The following SLCO3A1 variants were observed in gnomAD, a reference collection of about 807,000 sequenced individuals.
The protein encoded by SLCO3A1 is solute carrier organic anion transporter family member 3A1, also known as PGE1 transporter.
SLCO3A1 carries 27 observed loss-of-function variants against 63.1 expected under a neutral mutation model. The ratio of observed to expected loss-of-function variants is 0.43; its 90% CI spans 0.32 to 0.59. The LOEUF is 0.59. Ranked by LOEUF, SLCO3A1 falls within the 20% of genes least tolerant of loss-of-function variation. The pLI, the probability that SLCO3A1 is intolerant of heterozygous loss-of-function variation, is 0.09. For synonymous variants in SLCO3A1, 473 were observed against 409.9 expected, an observed-to-expected ratio of 1.15 and a Z score of -1.86; for missense variants, 773 against 945.8, an observed-to-expected ratio of 0.82 and a Z score of 2.40.
At chr15:91,990,880 A>G (rs2046117989) in intron 2 of SLCO3A1, among the ~76,000 whole-genome samples, 1 of 151,910 alleles carries the variant, frequency 6.6e-6, no homozygotes, top group South Asian at 2.1e-4. Flanking sequence ...TAGGGTGCAA[A>G]ATGGCAGCTG....
intron 7 of SLCO3A1, among the ~76,000 whole-genome samples, chr15:92,137,042 A>G (rs1329371013): frequency 6.8e-6 from 1 of 146,756 alleles, no homozygotes; most frequent in African/African-American, 2.6e-5. Flanking sequence ...TTACATATGT[A>G]TACATGTGCC....
At chr15:91,887,565 C>T (rs1031768516) in intron 1 of SLCO3A1, among the ~76,000 whole-genome samples, 2 of 152,204 alleles carry the variant, frequency 1.3e-5, no homozygotes, top group Admixed American at 6.5e-5. Context: ...CAGCTTTGGC[C>T]TTTTAGAACC....
At chr15:92,150,576 C>G (rs550980547) in intron 8 of SLCO3A1, among the ~76,000 whole-genome samples, 6 of 152,138 alleles carry the variant, frequency 3.9e-5, no homozygotes, top group African/African-American at 1.4e-4. Flanking sequence ...ATTATTTTCT[C>G]GGTTGATGTT....
chr15:92,149,900 A>C (rs1174137175), intron 8 of SLCO3A1: 1 of 152,154 alleles, frequency 6.6e-6, no homozygotes, highest in Non-Finnish European at 1.5e-5. Flanking sequence ...AGTGCTTTCA[A>C]ATGAAAGTGC....
chr15:91,940,617 C>A (rs1227846829), intron 2 of SLCO3A1, among the ~76,000 whole-genome samples: 1 of 152,024 alleles, frequency 6.6e-6, no homozygotes, highest in Non-Finnish European at 1.5e-5. Context: ...CATCTGGCAC[C>A]CTCTGTCACT....
chr15:92,090,131 C>T (rs918121735), intron 2 of SLCO3A1, among the ~76,000 whole-genome samples: 7 of 152,176 alleles, frequency 4.6e-5, no homozygotes, highest in African/African-American at 1.7e-4. Context: ...TCAGATTGGA[C>T]ATTGCCACCC....
chr15:91,896,555 A>G lies in SLCO3A1; in HGVS notation c.181-19438A>G, dbSNP rs543496070. ...TCCCGTGCTGTTCTCGTGATAGTGA[A>G]TAAGTCTCATGAGATCTGATGGTTT... On this transcript the variant is annotated intron_variant, in intron 1 of 9. Transcript: ENST00000318445. Among the ~76,000 whole-genome samples, 7 of 152,276 alleles carry G rather than the reference A, an allele frequency of 4.6e-5. No homozygotes were observed. In the South Asian group the frequency reaches 1.5e-3, roughly 32 times the overall value.
chr15:91,975,765 C>A (rs1030154243), intron 2 of SLCO3A1, among the ~76,000 whole-genome samples: 9 of 152,226 alleles, frequency 5.9e-5, no homozygotes, highest in Non-Finnish European at 1.3e-4. Flanking sequence ...CCCTTACAGC[C>A]ACCCAGTGGT....
At chr15:91,975,295 GCATGATC>G (rs1464284605) in intron 2 of SLCO3A1, among the ~76,000 whole-genome samples, 1 of 152,138 alleles carries the variant, frequency 6.6e-6, no homozygotes, top group Non-Finnish European at 1.5e-5. Context: ...CCTGGAGCTG[GCATGATC>G]CATGATTCAT....
intron 7 of SLCO3A1, among the ~76,000 whole-genome samples, chr15:92,143,578 A>G (rs1883307020): frequency 7.6e-6 from 1 of 131,032 alleles, no homozygotes; most frequent in Admixed American, 9.5e-5. Context: ...CTCTGTCTTC[A>G]TTAGCTTTAG....
At chr15:92,034,007 T>C (rs953370293) in intron 2 of SLCO3A1, among the ~76,000 whole-genome samples, 2 of 151,914 alleles carry the variant, frequency 1.3e-5, no homozygotes, top group Non-Finnish European at 2.9e-5. Context: ...CGTGGAGTCC[T>C]GGTGACCATT....
At chr15:91,940,523 T>C (rs1899583391) in intron 2 of SLCO3A1, among the ~76,000 whole-genome samples, 1 of 152,164 alleles carries the variant, frequency 6.6e-6, no homozygotes, top group Non-Finnish European at 1.5e-5. Flanking sequence ...TCAGTTGGCA[T>C]AGTGAATTTC....
chr15:92,154,140 AGATGGTGCTCGCAG>A (rs1247291711), intron 9 of SLCO3A1, among the ~76,000 whole-genome samples: 1 of 152,188 alleles, frequency 6.6e-6, no homozygotes, highest in East Asian at 1.9e-4. Flanking sequence ...GCTCGTGCCG[AGATGGTGCTCGCAG>A]GATGGGGAGA....
chr15:92,055,330 T>C (rs2047008806), intron 2 of SLCO3A1, among the ~76,000 whole-genome samples: 1 of 152,224 alleles, frequency 6.6e-6, no homozygotes, highest in African/African-American at 2.4e-5. Flanking sequence ...ATTCTTCTTA[T>C]AGATTCTGGA....
At chr15:92,151,257 G>A (rs1596149710) in intron 9 of SLCO3A1, 2 of 403,186 alleles carry the variant, frequency 5.0e-6, no homozygotes, top group East Asian at 8.9e-5. Context: ...ATTCTCATCG[G>A]CATAAGGAGG....
intron 2 of SLCO3A1, among the ~76,000 whole-genome samples, chr15:91,974,467 G>A (rs1901017420): frequency 6.6e-6 from 1 of 152,116 alleles, no homozygotes. Context: ...GAGAAACAGA[G>A]GAGGGTGAAG....
intron 2 of SLCO3A1, among the ~76,000 whole-genome samples, chr15:91,943,902 A>C (rs995552668): frequency 6.6e-6 from 1 of 152,026 alleles, no homozygotes; most frequent in Non-Finnish European, 1.5e-5. Flanking sequence ...CCCTCTGGTG[A>C]CTGCCTCCCA....
chr15:92,073,974 AC>A (rs1255870448), intron 2 of SLCO3A1, among the ~76,000 whole-genome samples: 1 of 152,156 alleles, frequency 6.6e-6, no homozygotes, highest in Non-Finnish European at 1.5e-5. Flanking sequence ...TTTAAGACCA[AC>A]CTGGCCAACA....
Position 92,164,281 on chromosome 15 carries a change from A to G in SLCO3A1, c.*1146A>G. On this transcript the variant is annotated 3_prime_UTR_variant, in exon 10 of 10. Transcript: ENST00000318445. ...CATTTTATCCTCATTCGAATATTCTACAAAAACAAGAATATACAATGTGTT... is the reference window on the plus strand; with the variant it reads ...CATTTTATCCTCATTCGAATATTCTGCAAAAACAAGAATATACAATGTGTT... 3.1e-6 allele frequency: 3 copies of G among 983,548 alleles called. No individual in the cohort carries two copies. The highest frequency in any genetic ancestry group is 3.6e-6 in the Non-Finnish European group (3 of 828,226). The allele number at this position is 983,548 out of a possible 1,614,324, so 60.9% of individuals were successfully genotyped here. A position where few individuals can be genotyped will look rare whatever the true frequency, so the allele number is the denominator to read the frequency against.
Sources: gnomAD v4.1 joint callset for allele counts (sites outside exome capture counted in the v4.1 genomes callset) on GRCh38, gnomAD v4.1.1 for gene constraint, MANE v1.5 for transcripts, NCBI Gene and HGNC (gene_info 2026-07-23, HGNC 2026-07-21) for gene names.